Variants in NKAIN3 observed in about 807,000 individuals in gnomAD.
The protein encoded by NKAIN3 is sodium/potassium-transporting ATPase subunit beta-1-interacting protein 3.
In NKAIN3, 25 loss-of-function variants were observed where a neutral mutation model predicts 30.2. The ratio of observed to expected loss-of-function variants is 0.83; its 90% CI spans 0.60 to 1.16. The LOEUF is 1.16. NKAIN3 is among the 50% of genes most tolerant of loss of function. The pLI, the probability that NKAIN3 is intolerant of heterozygous loss-of-function variation, is 0.00. For synonymous variants in NKAIN3, 91 were observed against 89.6 expected (o/e 1.02, Z -0.09); for missense variants, 225 against 254.1 (o/e 0.89, Z 0.78).
chr8:62,648,571 A>C (rs1468668168), intron 3 of NKAIN3, among the ~76,000 whole-genome samples: 1 of 152,174 alleles, frequency 6.6e-6, no homozygotes, highest in Non-Finnish European at 1.5e-5. Flanking sequence ...TATATCACCT[A>C]GTTAGCTTCA....
intron 4 of NKAIN3, among the ~76,000 whole-genome samples, chr8:62,826,666 C>T (rs1336690498): frequency 6.6e-6 from 1 of 152,176 alleles, no homozygotes; most frequent in Non-Finnish European, 1.5e-5. Flanking sequence ...AGACAAAAAC[C>T]TGATCTCATT....
At chr8:62,503,670 A>G (rs1034890942) in intron 1 of NKAIN3, among the ~76,000 whole-genome samples, 1 of 151,960 alleles carries the variant, frequency 6.6e-6, no homozygotes, top group Non-Finnish European at 1.5e-5. Context: ...TCTTAATATT[A>G]TATTCCCTGG....
At chr8:62,672,225 A>G (rs984025406) in intron 3 of NKAIN3, among the ~76,000 whole-genome samples, 1 of 152,202 alleles carries the variant, frequency 6.6e-6, no homozygotes, top group Non-Finnish European at 1.5e-5. Flanking sequence ...CATGCCATCC[A>G]TCACTTTGTG....
intron 3 of NKAIN3, among the ~76,000 whole-genome samples, chr8:62,732,149 C>G (rs964177272): frequency 6.6e-6 from 1 of 151,952 alleles, no homozygotes; most frequent in East Asian, 1.9e-4. Flanking sequence ...GCACTTATGA[C>G]CCAAAAGTCG....
At chr8:62,537,377 A>T (rs1021823967) in intron 1 of NKAIN3, among the ~76,000 whole-genome samples, 2 of 152,200 alleles carry the variant, frequency 1.3e-5, no homozygotes. Context: ...AATTTCACAT[A>T]ATATTCTTTC....
chr8:62,739,023 C>T (rs146045986), intron 3 of NKAIN3, among the ~76,000 whole-genome samples: 4,089 of 152,146 alleles, frequency 0.027, 192 homozygotes, highest in African/African-American at 0.093. Flanking sequence ...GAACAGAAAA[C>T]CAAACACCAC....
At chr8:62,724,237 T>A (rs1477543352) in intron 3 of NKAIN3, among the ~76,000 whole-genome samples, 1 of 152,122 alleles carries the variant, frequency 6.6e-6, no homozygotes, top group Admixed American at 6.5e-5. Flanking sequence ...TTTTTGTTTT[T>A]AAATTTTTTA....
chr8:62,515,441 G>A (rs984946528), intron 1 of NKAIN3, among the ~76,000 whole-genome samples: 4 of 152,028 alleles, frequency 2.6e-5, no homozygotes, highest in Non-Finnish European at 5.9e-5. Context: ...AAACAACACT[G>A]TGGTGAGTAT....
chr8:62,794,880 C>T (rs1817813690), intron 4 of NKAIN3, among the ~76,000 whole-genome samples: 1 of 152,142 alleles, frequency 6.6e-6, no homozygotes, highest in Admixed American at 6.6e-5. Context: ...GCTCCTGCTG[C>T]TTCTTTTATT....
intron 2 of NKAIN3, 30 bp downstream of exon 2, chr8:62,579,706 T>C (rs1035415588): frequency 1.5e-6 from 2 of 1,300,746 alleles, no homozygotes; most frequent in Non-Finnish European, 2.0e-6. Context: ...TTTTGCTTCA[T>C]ATAAACAATT....
intron 1 of NKAIN3, among the ~76,000 whole-genome samples, chr8:62,390,333 A>C (rs565239389): frequency 6.6e-6 from 1 of 152,146 alleles, no homozygotes; most frequent in Non-Finnish European, 1.5e-5. Flanking sequence ...TGCTAAGGAT[A>C]ATGTCTGCCG....
chr8:62,424,862 A>G (rs544769236), intron 1 of NKAIN3, among the ~76,000 whole-genome samples: 227 of 152,056 alleles, frequency 1.5e-3, no homozygotes, highest in Admixed American at 2.8e-3. Context: ...TGCATTTACA[A>G]TAGTCAAAAT....
chr8:62,563,792 T>C (rs528585522), intron 1 of NKAIN3, among the ~76,000 whole-genome samples: 39 of 152,292 alleles, frequency 2.6e-4, no homozygotes, highest in Non-Finnish European at 4.7e-4. Context: ...AGCTATTGTT[T>C]GAGTTATTCT....
chr8:62,988,938 G>A (rs1003343904), downstream of NKAIN3, among the ~76,000 whole-genome samples: 1 of 152,112 alleles, frequency 6.6e-6, no homozygotes, highest in Non-Finnish European at 1.5e-5. Flanking sequence ...CCCCAGATAT[G>A]CTAAATCATC....
At chr8:62,494,268 A>G (rs1396549644) in intron 1 of NKAIN3, among the ~76,000 whole-genome samples, 3 of 152,148 alleles carry the variant, frequency 2.0e-5, no homozygotes, top group Non-Finnish European at 4.4e-5. Flanking sequence ...TTCTGTATCT[A>G]TTGAGATAAT....
At chr8:62,253,687 A>C (rs1249320551) in intron 1 of NKAIN3, among the ~76,000 whole-genome samples, 4 of 152,206 alleles carry the variant, frequency 2.6e-5, no homozygotes, top group Non-Finnish European at 5.9e-5. Flanking sequence ...TCCATACCAC[A>C]TTCAAACCAT....
chr8:62,315,636 G>A (rs907720417), intron 1 of NKAIN3, among the ~76,000 whole-genome samples: 4 of 152,140 alleles, frequency 2.6e-5, no homozygotes, highest in African/African-American at 7.2e-5. Context: ...CCAATGTAGT[G>A]TACATCTTTC....
In NKAIN3 at chr8:62,743,398, C is replaced by T. The variant is rs576669580; in HGVS notation, c.274-3534C>T. Among the ~76,000 whole-genome samples the T allele has an allele frequency of 4.2e-3, 635 of 152,012 alleles. 5 individuals carry two copies. Among genetic ancestry groups the T allele is most frequent in the African/African-American group, 0.015 (611 of 41,424 alleles). ...TGGAAAGGGTGTGATACTTTTTTCC[C>T]CGTTGAAAGGGTCACAGTCCACACT... On this transcript the variant is annotated intron_variant, in intron 3 of 6. Coordinates refer to ENST00000623646, the MANE Select transcript of NKAIN3 (RefSeq NM_001304533.3).
intron 4 of NKAIN3, among the ~76,000 whole-genome samples, chr8:62,847,304 A>G (rs927193111): frequency 4.6e-5 from 7 of 152,048 alleles, no homozygotes; most frequent in African/African-American, 1.4e-4. Flanking sequence ...ACTCCCACTA[A>G]CCGTGTAAAA....
Sources: allele counts gnomAD v4.1 joint callset (sites outside exome capture counted in the v4.1 genomes callset), GRCh38; gene constraint gnomAD v4.1.1; transcripts MANE v1.5; gene names NCBI Gene and HGNC (gene_info 2026-07-23, HGNC 2026-07-21).